Variants in CSRP2 observed in about 807,000 individuals in gnomAD.
CSRP2 encodes cysteine and glycine-rich protein 2.
A neutral mutation model predicts 24.6 loss-of-function variants in CSRP2; 18 were observed. That is an observed-to-expected ratio of 0.73 (90% CI 0.51 to 1.09). CSRP2 has a LOEUF of 1.09. Ranked by LOEUF, CSRP2 falls within the 50% of genes least tolerant of loss-of-function variation. The pLI is 0.00. For synonymous variants in CSRP2, 87 were observed against 84.3 expected, an observed-to-expected ratio of 1.03 and a Z score of -0.18; for missense variants, 215 against 239.4, an observed-to-expected ratio of 0.90 and a Z score of 0.67.
chr12:76,866,086 T>A, intron 2 of CSRP2, 63 bp downstream of exon 2: 1 of 1,251,422 alleles, frequency 8.0e-7, no homozygotes, highest in Non-Finnish European at 1.1e-6. Context: ...TTTCCTTAAA[T>A]AGACATATTG....
At position 76,866,182 on chromosome 12, in the gene CSRP2, C is replaced by T. The variant is rs1223937890; in HGVS notation, c.79G>A (p.Gly27Ser). ...AAGCAGCAGCGGTGGAAGCTCCTGCCATCACACTGCACCTCTTCTGCGTGG... is the reference window on the plus strand; with the variant it reads ...AAGCAGCAGCGGTGGAAGCTCCTGCTATCACACTGCACCTCTTCTGCGTGG... ...VYHAEEVQCD[G>S]RSFHRCCFLC... is the part of the protein sequence containing the mutation. Residue 27 changes from glycine to serine, a missense_variant, in exon 2 of 6, where the codon GGC becomes AGC. Coordinates refer to ENST00000311083, the MANE Select transcript of CSRP2 (RefSeq NM_001321.3). 6.2e-7 allele frequency: 1 copy of T among 1,613,982 alleles called. No individual in the cohort carries two copies. The highest frequency in any genetic ancestry group is 1.1e-5 in the South Asian group (1 of 91,082).
intron 2 of CSRP2, chr12:76,865,615 TG>T (rs748349364): frequency 6.6e-6 from 1 of 152,412 alleles, no homozygotes; most frequent in Admixed American, 6.5e-5. Context: ...GGCAAACATC[TG>T]CCCGTATGGG....
At chr12:76,862,228 G>A (rs1368317634) in intron 3 of CSRP2, 2 of 152,158 alleles carry the variant, frequency 1.3e-5, no homozygotes, top group African/African-American at 4.8e-5. Context: ...GAATCACTGG[G>A]TTAAAAGTAG....
At chr12:76,867,487 C>T (rs185028126) in intron 1 of CSRP2, among the ~76,000 whole-genome samples, 58 of 152,118 alleles carry the variant, frequency 3.8e-4, no homozygotes, top group Non-Finnish European at 7.1e-4. Flanking sequence ...CCAGCCTGGG[C>T]GACAGAGCGA....
At chr12:76,872,360 G>A (rs565073849) in intron 1 of CSRP2, among the ~76,000 whole-genome samples, 1 of 152,288 alleles carries the variant, frequency 6.6e-6, no homozygotes. Flanking sequence ...GAGTTATTAC[G>A]AAATTATTTT....
chr12:76,874,160 A>G (rs1381474223), intron 1 of CSRP2, among the ~76,000 whole-genome samples: 1 of 152,238 alleles, frequency 6.6e-6, no homozygotes, highest in South Asian at 2.1e-4. Context: ...AAACAGTTTC[A>G]TCTTGCAGAT....
At chr12:76,862,837 T>G (rs1345964260) in intron 3 of CSRP2, 2 of 1,518,132 alleles carry the variant, frequency 1.3e-6, no homozygotes, top group Admixed American at 4.4e-5. Flanking sequence ...CCTCTCATGA[T>G]TCACACAGCA....
At chr12:76,863,016 A>G (rs1200852618) in intron 3 of CSRP2, 160 bp downstream of exon 3, 2 of 1,437,292 alleles carry the variant, frequency 1.4e-6, no homozygotes, top group Non-Finnish European at 1.8e-6. Context: ...TGTTAGGTCC[A>G]AAACTCAATA....
intron 5 of CSRP2, 149 bp from the exon 6 acceptor site, chr12:76,859,177 A>G: frequency 1.5e-6 from 1 of 680,356 alleles, no homozygotes; most frequent in South Asian, 1.9e-5. Flanking sequence ...CATGTACTAA[A>G]TATCTTAAAG....
intron 1 of CSRP2, among the ~76,000 whole-genome samples, chr12:76,877,363 T>C (rs902633429): frequency 6.6e-6 from 1 of 152,240 alleles, no homozygotes; most frequent in Non-Finnish European, 1.5e-5. Context: ...CCTATACCAG[T>C]ATCAATCAAT....
chr12:76,866,303 C>G, intron 1 of CSRP2, 42 bp from the exon 2 acceptor site: 3 of 1,519,500 alleles, frequency 2.0e-6, no homozygotes, highest in Middle Eastern at 3.4e-4. Flanking sequence ...CTGTGCTGGT[C>G]GTACGGCTCC....
At chr12:76,866,024 G>C (rs1226268375) in intron 2 of CSRP2, 125 bp downstream of exon 2, 1 of 712,426 alleles carries the variant, frequency 1.4e-6, no homozygotes, top group African/African-American at 1.8e-5. Flanking sequence ...TAAGAAGACA[G>C]GTAAAAACCA....
At chr12:76,860,215 G>A in intron 4 of CSRP2, 69 bp downstream of exon 4, 1 of 1,502,976 alleles carries the variant, frequency 6.7e-7, no homozygotes, top group Non-Finnish European at 9.0e-7. Flanking sequence ...CAAGGAATGT[G>A]GAAGGGTTAG....
Position 76,863,299 on chromosome 12 carries a change from T to C in CSRP2, c.158A>G (p.Asp53Gly), listed in dbSNP as rs1238368014. The C allele has an allele frequency of 1.9e-6, 3 of 1,614,252 alleles. No individual in the cohort carries two copies. The Admixed American group carries it at 5.0e-5, about 27-fold the overall frequency. Residue 53 changes from aspartate (D) to glycine (G), a missense_variant, in exon 3 of 6, where the codon GAT becomes GGT. Coordinates refer to ENST00000311083, the MANE Select transcript of CSRP2 (RefSeq NM_001321.3). Reference protein sequence around the residue: ...NLDSTTVAIHDEEIYCKSCYG... With the variant: ...NLDSTTVAIHGEEIYCKSCYG... ...GCAGGATTTGCAGTAGATCTCTTCA[T>C]CGTGAATTGCCACTGTTGTGCTATC...
intron 5 of CSRP2, 90 bp downstream of exon 5, chr12:76,859,456 CT>C (rs529262700): frequency 0.18 from 104,255 of 577,068 alleles, no homozygotes; most frequent in East Asian, 0.23. Flanking sequence ...GCATACTTTT[CT>C]TTTTTTTTTT....
Position 76,860,484 on chromosome 12 carries a change from C to A in CSRP2, c.282-71G>T, listed in dbSNP as rs902419714. The A allele has an allele frequency of 3.9e-6, 6 of 1,554,512 alleles. No individual in the cohort carries two copies. In the Admixed American group the frequency reaches 6.9e-5, roughly 18 times the overall value. On this transcript the variant is annotated intron_variant, in intron 3 of 5. Coordinates refer to ENST00000311083, the MANE Select transcript of CSRP2 (RefSeq NM_001321.3). ...CCCTTTTAAGTACACAAGGCAGGAACAATAGAACTCTGGGACTTAACCGCT... is the reference window on the plus strand; with the variant it reads ...CCCTTTTAAGTACACAAGGCAGGAAAAATAGAACTCTGGGACTTAACCGCT...
At chr12:76,863,575 G>C in intron 2 of CSRP2, 1 of 428,500 alleles carries the variant, frequency 2.3e-6, no homozygotes, top group East Asian at 3.6e-5. Flanking sequence ...AAATGTATCA[G>C]AATATAACAT....
At position 76,858,808 on chromosome 12, in the gene CSRP2, C is replaced by G. The variant is rs902092094; in HGVS notation, c.*144G>C. 1 of 659,438 alleles carries G rather than the reference C, an allele frequency of 1.5e-6. No individual in the cohort carries two copies. Among genetic ancestry groups the G allele is most frequent in the African/African-American group, 1.8e-5 (1 of 56,072 alleles). The allele number at this position is 659,438 out of a possible 1,614,324, so 40.8% of individuals were successfully genotyped here. ...GATACCATACAGTGCTCTCTTCCTA[C>G]GAGTTAGCCAGCCTATCCAAGTACA... On this transcript the variant is annotated 3_prime_UTR_variant, in exon 6 of 6. Transcript: ENST00000311083.
At chr12:76,871,316 A>G (rs1953794147) in intron 1 of CSRP2, among the ~76,000 whole-genome samples, 1 of 152,250 alleles carries the variant, frequency 6.6e-6, no homozygotes, top group Non-Finnish European at 1.5e-5. Flanking sequence ...GTACTCTAGT[A>G]GGAAAACCCA....
Sources: gnomAD v4.1 joint callset for allele counts (sites outside exome capture counted in the v4.1 genomes callset) on GRCh38, gnomAD v4.1.1 for gene constraint, MANE v1.5 for transcripts, NCBI Gene and HGNC (gene_info 2026-07-23, HGNC 2026-07-21) for gene names.